STK38: variants seen among roughly 807,000 people sequenced by gnomAD.
STK38 encodes serine/threonine-protein kinase 38.
Under a neutral mutation model 59.0 loss-of-function variants are expected in STK38, and 26 were observed. The observed-to-expected ratio is 0.44, with a 90% CI of 0.32 to 0.61. The LOEUF is 0.61. STK38 is among the 20% of genes least tolerant of loss of function. The pLI is 0.04. For missense variants in STK38, 433 were observed against 566.0 expected (o/e 0.76, Z 2.38); for synonymous variants, 175 against 176.6 (o/e 0.99, Z 0.07).
At chr6:36,506,718 C>G (rs1776971316) in intron 8 of STK38, 74 bp from the exon 9 acceptor site, 2 of 1,357,494 alleles carry the variant, frequency 1.5e-6, no homozygotes, top group South Asian at 1.2e-5. Context: ...TAGGCTCTTT[C>G]AAGTCACATG....
At chr6:36,505,410 A>G (rs1357429500) in intron 9 of STK38, among the ~76,000 whole-genome samples, 1 of 152,206 alleles carries the variant, frequency 6.6e-6, no homozygotes, top group Non-Finnish European at 1.5e-5. Context: ...TCCCAAGTAA[A>G]TATTGTCTGA....
intron 2 of STK38, among the ~76,000 whole-genome samples, chr6:36,537,845 G>A (rs1450816886): frequency 6.6e-6 from 1 of 151,838 alleles, no homozygotes; most frequent in East Asian, 1.9e-4. Context: ...GATGCAGTAA[G>A]CTATGATAGT....
At chr6:36,540,247 A>T in intron 1 of STK38, 40 bp from the exon 2 acceptor site, 1 of 1,609,628 alleles carries the variant, frequency 6.2e-7, no homozygotes, top group South Asian at 1.1e-5. Context: ...ATTTGGAGTT[A>T]GAATCCACCC....
At chr6:36,528,160 T>C (rs985526604) in intron 2 of STK38, among the ~76,000 whole-genome samples, 1 of 151,732 alleles carries the variant, frequency 6.6e-6, no homozygotes, top group Non-Finnish European at 1.5e-5. Context: ...TGTAGTCCAT[T>C]GTGGCTGACG....
Position 36,497,782 on chromosome 6 carries a change from GAT to G in STK38, c.1168_1169del (p.Ile390GlnfsTer10). ...TGAAAGTGTTTATATGGATATACCTGATATGTTCCCAGTCAACGCCTTCAAAA... is the reference window on the plus strand; with the variant it reads ...TGAAAGTGTTTATATGGATATACCTGATGTTCCCAGTCAACGCCTTCAAAA... ...SFFEGVDWEH[I>X]RERPAAISIE... On this transcript the variant is annotated frameshift_variant, in exon 12 of 14. Coordinates refer to ENST00000229812, the MANE Select transcript of STK38 (RefSeq NM_007271.4). LOFTEE classifies it high-confidence loss of function. The G allele has an allele frequency of 6.2e-7, 1 of 1,607,920 alleles. No homozygotes were observed. Among genetic ancestry groups the G allele is most frequent in the Non-Finnish European group, 8.5e-7 (1 of 1,175,876 alleles).
At chr6:36,522,853 C>T (rs1244807456) in intron 4 of STK38, among the ~76,000 whole-genome samples, 2 of 9,124 alleles carry the variant, frequency 2.2e-4, no homozygotes, top group East Asian at 4.2e-3. Flanking sequence ...AAGACTCTGT[C>T]TCAAAAAAAA....
At chr6:36,544,524 T>C (rs889136283) in intron 1 of STK38, among the ~76,000 whole-genome samples, 2 of 152,194 alleles carry the variant, frequency 1.3e-5, no homozygotes, top group African/African-American at 4.8e-5. Flanking sequence ...CTTCCTTGTC[T>C]GAAAATTCCT....
chr6:36,531,531 A>G (rs1030864180), intron 2 of STK38, among the ~76,000 whole-genome samples: 15 of 152,222 alleles, frequency 9.9e-5, no homozygotes, highest in African/African-American at 3.6e-4. Context: ...AGAGAATACA[A>G]AGAGAGCTGC....
Position 36,506,579 on chromosome 6 carries a change from T to A in STK38, c.834+4A>T. 6.2e-7 allele frequency: 1 copy of A among 1,612,620 alleles called. No homozygotes were observed. Among genetic ancestry groups the A allele is most frequent in the Non-Finnish European group, 8.5e-7 (1 of 1,179,658 alleles). On this transcript the variant is annotated splice_donor_region_variant and intron_variant, in intron 9 of 13. Coordinates refer to ENST00000229812, the MANE Select transcript of STK38 (RefSeq NM_007271.4). ...GCATTTCAGAAGCCACAGATATTAC[T>A]TACTAGCTGACGTCTATTTCTTTTC...
intron 12 of STK38, among the ~76,000 whole-genome samples, chr6:36,497,562 C>G (rs1415406648): frequency 6.6e-6 from 1 of 152,216 alleles, no homozygotes; most frequent in Admixed American, 6.5e-5. Context: ...GTTCACTTCA[C>G]TTTGTAAATA....
chr6:36,499,679 G>C (rs1776791899), intron 10 of STK38, among the ~76,000 whole-genome samples, 194 bp downstream of exon 10: 1 of 152,216 alleles, frequency 6.6e-6, no homozygotes, highest in African/African-American at 2.4e-5. Flanking sequence ...CAAAGCAATT[G>C]CAGGATGCCA....
chr6:36,528,676 G>A (rs1777595897), intron 2 of STK38, among the ~76,000 whole-genome samples: 1 of 152,226 alleles, frequency 6.6e-6, no homozygotes, highest in Non-Finnish European at 1.5e-5. Context: ...GGTAGTTGAA[G>A]CAGAGAAGAA....
chr6:36,538,285 CAG>C (rs1395879687), intron 2 of STK38, among the ~76,000 whole-genome samples: 1 of 149,654 alleles, frequency 6.7e-6, no homozygotes, highest in African/African-American at 2.5e-5. Flanking sequence ...GCCTGGGCAA[CAG>C]AGTGAGACTC....
At chr6:36,542,110 C>T (rs1777952615) in intron 1 of STK38, among the ~76,000 whole-genome samples, 1 of 152,136 alleles carries the variant, frequency 6.6e-6, no homozygotes. Flanking sequence ...GCTGGGATTG[C>T]AGGCATGAGC....
In STK38 at chr6:36,506,604, C is replaced by T. The variant is rs753268035; in HGVS notation, c.813G>A (p.Trp271Ter). 6.2e-7 allele frequency: 1 copy of T among 1,613,400 alleles called. No homozygotes were observed. Among genetic ancestry groups the T allele is most frequent in the Non-Finnish European group, 8.5e-7 (1 of 1,179,834 alleles). ...NMNSKRKAETWKRNRRQLAFS... is the reference protein window; with the variant it reads ...NMNSKRKAET ...TTACTAGCTGACGTCTATTTCTTTT[C>T]CAGGTTTCTGCTTTCCTTTTGGAAT... is the stretch of plus-strand genomic sequence containing the variant. The change falls in exon 9 of 14, where the codon TGG becomes TGA. Residue 271 changes from tryptophan to a stop codon, truncating the protein, a stop_gained. Transcript: ENST00000229812. LOFTEE classifies it high-confidence loss of function.
intron 5 of STK38, among the ~76,000 whole-genome samples, chr6:36,521,339 A>G (rs913174344): frequency 7.2e-5 from 11 of 152,164 alleles, no homozygotes; most frequent in African/African-American, 2.7e-4. Flanking sequence ...TATAAATTCC[A>G]AATTCTAATT....
chr6:36,534,259 C>CA (rs907654756), intron 2 of STK38, among the ~76,000 whole-genome samples: 3 of 151,230 alleles, frequency 2.0e-5, no homozygotes, highest in Non-Finnish European at 4.4e-5. Flanking sequence ...TCAACACCCA[C>CA]AAAAAAAATC....
intron 10 of STK38, among the ~76,000 whole-genome samples, chr6:36,498,843 G>A (rs1401670545): frequency 1.3e-5 from 2 of 151,804 alleles, no homozygotes; most frequent in South Asian, 2.1e-4. Context: ...CTACCACCTC[G>A]ACCTCCCAAA....
intron 7 of STK38, among the ~76,000 whole-genome samples, chr6:36,510,025 C>CTG (rs1200903988): frequency 1.3e-5 from 2 of 152,204 alleles, no homozygotes; most frequent in Non-Finnish European, 2.9e-5. Context: ...AGTTCTTACT[C>CTG]TGGGCCACAG....
Sources: allele counts gnomAD v4.1 joint callset (sites outside exome capture counted in the v4.1 genomes callset), GRCh38; gene constraint gnomAD v4.1.1; transcripts MANE v1.5; gene names NCBI Gene and HGNC (gene_info 2026-07-23, HGNC 2026-07-21).